The following EYA2 variants were observed in gnomAD, a reference collection of about 807,000 sequenced individuals.
EYA2 encodes protein phosphatase EYA2.
EYA2 carries 31 observed loss-of-function variants against 69.2 expected under a neutral mutation model. The ratio of observed to expected loss-of-function variants is 0.45; its 90% CI spans 0.34 to 0.60. EYA2 has a LOEUF of 0.60. Ranked by LOEUF, EYA2 falls within the 20% of genes least tolerant of loss-of-function variation. The pLI is 0.02. For missense variants in EYA2, 622 were observed against 701.2 expected, an observed-to-expected ratio of 0.89 and a Z score of 1.28; for synonymous variants, 257 against 279.4, an observed-to-expected ratio of 0.92 and a Z score of 0.80.
At chr20:46,921,145 G>C (rs764147719) in intron 1 of EYA2, among the ~76,000 whole-genome samples, 1 of 152,212 alleles carries the variant, frequency 6.6e-6, no homozygotes, top group East Asian at 1.9e-4. Flanking sequence ...TAGTAGGGGC[G>C]CCTTCTCAGT....
chr20:47,151,546 G>A (rs1201184029), intron 10 of EYA2, among the ~76,000 whole-genome samples: 1 of 151,782 alleles, frequency 6.6e-6, no homozygotes, highest in Non-Finnish European at 1.5e-5. Flanking sequence ...CATGCCCTCT[G>A]TATGGAACAC....
intron 10 of EYA2, chr20:47,166,963 A>G (rs1042829153): frequency 1.7e-4 from 26 of 154,404 alleles, no homozygotes; most frequent in African/African-American, 6.3e-4. Flanking sequence ...TCAACATATT[A>G]TCATGTCACT....
chr20:47,052,239 G>C (rs2030377643), intron 5 of EYA2, among the ~76,000 whole-genome samples: 1 of 152,114 alleles, frequency 6.6e-6, no homozygotes, highest in Non-Finnish European at 1.5e-5. Flanking sequence ...TTAGAACCAG[G>C]GTCATGTGCA....
intron 1 of EYA2, among the ~76,000 whole-genome samples, chr20:46,929,356 A>G (rs1985563714): frequency 6.6e-6 from 1 of 151,700 alleles, no homozygotes; most frequent in South Asian, 2.1e-4. Flanking sequence ...CTATTGATGG[A>G]TGAGTCCCTA....
intron 13 of EYA2, 55 bp from the exon 14 acceptor site, chr20:47,180,760 A>G (rs1193535332): frequency 1.3e-6 from 2 of 1,590,708 alleles, no homozygotes; most frequent in Non-Finnish European, 1.7e-6. Context: ...CAGCAAGAGG[A>G]GGCCTGGCCT....
chr20:47,046,682 A>G (rs1600667433), intron 5 of EYA2, among the ~76,000 whole-genome samples: 1 of 152,188 alleles, frequency 6.6e-6, no homozygotes, highest in Non-Finnish European at 1.5e-5. Flanking sequence ...CCATTCATCT[A>G]TTCAAAATGT....
At chr20:47,056,816 G>A (rs944679951) in intron 5 of EYA2, among the ~76,000 whole-genome samples, 2 of 152,078 alleles carry the variant, frequency 1.3e-5, no homozygotes, top group African/African-American at 2.4e-5. Context: ...AGGCCGAGGC[G>A]GGCAGATTGC....
chr20:47,126,541 G>A (rs115048321), intron 9 of EYA2, among the ~76,000 whole-genome samples: 1 of 152,272 alleles, frequency 6.6e-6, no homozygotes, highest in African/African-American at 2.4e-5. Flanking sequence ...CAAGAAAGTG[G>A]CACCTCCCAC....
At chr20:47,101,723 C>T (rs985300003) in intron 9 of EYA2, among the ~76,000 whole-genome samples, 5 of 152,152 alleles carry the variant, frequency 3.3e-5, no homozygotes, top group Non-Finnish European at 1.5e-5. Flanking sequence ...GTCTGAAGCT[C>T]CAGAGAGAGG....
intron 5 of EYA2, among the ~76,000 whole-genome samples, chr20:47,026,433 A>AT (rs139254083): frequency 2.2e-3 from 327 of 151,016 alleles, no homozygotes; most frequent in African/African-American, 7.5e-3. Flanking sequence ...CAACTACAGA[A>AT]TTTTTTTTTT....
At chr20:47,100,018 G>A (rs1351172308) in intron 9 of EYA2, among the ~76,000 whole-genome samples, 1 of 141,202 alleles carries the variant, frequency 7.1e-6, no homozygotes, top group Non-Finnish European at 1.5e-5. Context: ...GTTTGGTTTG[G>A]TTTGGTTTGG....
intron 3 of EYA2, among the ~76,000 whole-genome samples, chr20:47,004,091 T>A (rs1290220048): frequency 2.6e-5 from 4 of 152,242 alleles, no homozygotes; most frequent in Admixed American, 2.6e-4. Flanking sequence ...TAGAACCTGT[T>A]GTTCTCCATG....
At chr20:47,045,756 A>G (rs1377216215) in intron 5 of EYA2, among the ~76,000 whole-genome samples, 2 of 152,210 alleles carry the variant, frequency 1.3e-5, no homozygotes, top group Non-Finnish European at 2.9e-5. Context: ...TTCAGCATCA[A>G]TGGTATATGC....
intron 1 of EYA2, among the ~76,000 whole-genome samples, chr20:46,905,981 G>T (rs2146216474): frequency 6.6e-6 from 1 of 152,300 alleles, no homozygotes; most frequent in South Asian, 2.1e-4. Context: ...CATTCTGGAA[G>T]AATCTGTTAG....
At chr20:47,018,705 A>G (rs1983563002) in intron 5 of EYA2, among the ~76,000 whole-genome samples, 1 of 152,232 alleles carries the variant, frequency 6.6e-6, no homozygotes, top group South Asian at 2.1e-4. Flanking sequence ...TCCCCAGAGC[A>G]GGATATGCAG....
chr20:46,992,122 G>T (rs893986564), intron 2 of EYA2, among the ~76,000 whole-genome samples: 9 of 152,080 alleles, frequency 5.9e-5, no homozygotes, highest in African/African-American at 2.2e-4. Flanking sequence ...CATACTTTCT[G>T]CCAGGCACTA....
In EYA2 at chr20:46,985,629, A is replaced by G. The variant is rs1383242531; in HGVS notation, c.-10-4372A>G. The stretch of plus-strand genomic sequence containing the variant: ...CTATAGGGACCAGGAGGAAATACCA[A>G]TGGAAAAAGAGGGTCAAATTTAAGA... On this transcript the variant is annotated intron_variant, in intron 1 of 15. Coordinates refer to ENST00000327619, the MANE Select transcript of EYA2 (RefSeq NM_005244.5). Among the ~76,000 whole-genome samples the G allele has an allele frequency of 1.3e-4, 20 of 152,200 alleles. 1 individual carries two copies. The highest frequency in any genetic ancestry group is 1.2e-3 in the Admixed American group (19 of 15,280).
At chr20:47,074,105 G>A (rs796449722) in intron 6 of EYA2, 53 bp from the exon 7 acceptor site, 57 of 1,493,268 alleles carry the variant, frequency 3.8e-5, no homozygotes, top group African/African-American at 1.8e-4. Flanking sequence ...CCAACGGCCC[G>A]AGCCCAGAAA....
At chr20:46,961,560 C>G (rs1187122011) in intron 1 of EYA2, among the ~76,000 whole-genome samples, 1 of 152,186 alleles carries the variant, frequency 6.6e-6, no homozygotes, top group Non-Finnish European at 1.5e-5. Context: ...GAGGACATAT[C>G]TGCACTCTCA....
Sources: gnomAD v4.1 joint callset for allele counts (sites outside exome capture counted in the v4.1 genomes callset) on GRCh38, gnomAD v4.1.1 for gene constraint, MANE v1.5 for transcripts, NCBI Gene and HGNC (gene_info 2026-07-23, HGNC 2026-07-21) for gene names.